Variants in CORIN observed in about 807,000 individuals in gnomAD.
CORIN encodes corin, serine peptidase.
In CORIN, 117 loss-of-function variants were observed where a neutral mutation model predicts 125.3. The ratio of observed to expected loss-of-function variants is 0.93; its 90% CI spans 0.80 to 1.09. The LOEUF is 1.09. Ranked by LOEUF, CORIN falls within the 50% of genes least tolerant of loss-of-function variation. The probability of loss-of-function intolerance (pLI) is 0.00; values close to 1 mark genes in which losing one functional copy is unlikely to be tolerated. For synonymous variants in CORIN, 450 were observed against 466.4 expected, an observed-to-expected ratio of 0.96 and a Z score of 0.45; for missense variants, 1,253 against 1,306.7, an observed-to-expected ratio of 0.96 and a Z score of 0.63.
chr4:47,835,129 G>T (rs1733322140), intron 1 of CORIN, among the ~76,000 whole-genome samples: 1 of 152,194 alleles, frequency 6.6e-6, no homozygotes, highest in Admixed American at 6.5e-5. Flanking sequence ...GTCTTTATGT[G>T]AGTGTGTAGA....
chr4:47,761,607 A>T (rs1729465660), intron 4 of CORIN, among the ~76,000 whole-genome samples: 1 of 152,214 alleles, frequency 6.6e-6, no homozygotes, highest in Non-Finnish European at 1.5e-5. Context: ...TAAGTGGCGT[A>T]AGTCAGGCAC....
At position 47,693,008 on chromosome 4, in the gene CORIN, T is replaced by C; in HGVS notation, c.875A>G (p.Tyr292Cys). The change falls in exon 6 of 22, where the codon TAC (tyrosine) becomes TGC (cysteine). Residue 292 changes from tyrosine (Y) to cysteine (C), a missense_variant. Tyr to Cys is a radical substitution (Grantham distance 194). Transcript: ENST00000273857. ...GTCACTCCAGTCGTCACAGTCGTTG[T>C]AGCCATTACATTGCAGTTTCCCGGG... ...CIPGKLQCNG[Y>C]NDCDDWSDEA... The C allele has an allele frequency of 6.2e-7, 1 of 1,613,996 alleles. No individual in the cohort carries two copies. Among genetic ancestry groups the C allele is most frequent in the Non-Finnish European group, 8.5e-7 (1 of 1,179,872 alleles).
intron 1 of CORIN, among the ~76,000 whole-genome samples, chr4:47,811,925 T>C (rs914668525): frequency 1.3e-5 from 2 of 152,178 alleles, no homozygotes; most frequent in African/African-American, 4.8e-5. Context: ...TCTGATACTT[T>C]ATAGAAAAAG....
chr4:47,642,799 A>G, intron 15 of CORIN: 1 of 1,420,256 alleles, frequency 7.0e-7, no homozygotes. Context: ...ATTCTATTCT[A>G]GCAGGTAGAG....
At chr4:47,763,668 G>T in intron 3 of CORIN, 82 bp from the exon 4 acceptor site, 1 of 1,268,712 alleles carries the variant, frequency 7.9e-7, no homozygotes, top group South Asian at 1.3e-5. Context: ...TTGTTTATAA[G>T]ATAAAGTATA....
chr4:47,627,799 A>AGAT (rs1181149515), intron 16 of CORIN, among the ~76,000 whole-genome samples: 4 of 152,210 alleles, frequency 2.6e-5, no homozygotes, highest in Non-Finnish European at 5.9e-5. Flanking sequence ...AGCCAAAAGA[A>AGAT]GATAAACTTT....
chr4:47,724,046 G>A (rs1294976906), intron 5 of CORIN, among the ~76,000 whole-genome samples: 1 of 149,218 alleles, frequency 6.7e-6, no homozygotes, highest in Non-Finnish European at 1.5e-5. Context: ...ACCCCTAAGT[G>A]AAAAGATAAT....
intron 16 of CORIN, among the ~76,000 whole-genome samples, chr4:47,631,794 A>G (rs565080443): frequency 6.6e-6 from 1 of 152,266 alleles, no homozygotes; most frequent in East Asian, 1.9e-4. Flanking sequence ...TAAATCATGG[A>G]GCCCAGGGCA....
intron 3 of CORIN, among the ~76,000 whole-genome samples, chr4:47,766,086 T>C (rs1729718255): frequency 6.6e-6 from 1 of 152,218 alleles, no homozygotes; most frequent in Non-Finnish European, 1.5e-5. Context: ...CAAAATCGAA[T>C]CTGGAGTAAG....
rs764585758 is a variant in CORIN, at chr4:47,603,616, G to GT, written c.2592_2593insA (p.His865ThrfsTer28). ...CGTGTCTGCATGAACACTGATGGAT[G>GT]GTCTAGATTGTTGATGCCAAGCACC... On this transcript the variant is annotated frameshift_variant, in exon 20 of 22. Transcript: ENST00000273857. LOFTEE classifies it high-confidence loss of function. 6.2e-7 allele frequency: 1 copy of GT among 1,614,004 alleles called. No individual in the cohort carries two copies. Among genetic ancestry groups the GT allele is most frequent in the African/African-American group, 1.3e-5 (1 of 74,916 alleles).
intron 19 of CORIN, among the ~76,000 whole-genome samples, chr4:47,613,932 C>T (rs1721970456): frequency 1.3e-5 from 2 of 149,964 alleles, no homozygotes; most frequent in South Asian, 4.2e-4. Context: ...ACAATGTGCA[C>T]ATGTACCCTA....
intron 21 of CORIN, 111 bp from the exon 22 acceptor site, chr4:47,596,014 G>T: frequency 1.3e-6 from 1 of 791,748 alleles, no homozygotes; most frequent in Non-Finnish European, 1.9e-6. Flanking sequence ...AACTTGGAAA[G>T]TTTCAACAAA....
intron 5 of CORIN, among the ~76,000 whole-genome samples, chr4:47,707,820 G>A (rs1158712359): frequency 1.3e-5 from 2 of 152,188 alleles, no homozygotes; most frequent in African/African-American, 4.8e-5. Context: ...CTAAAGAAGA[G>A]GGGAGTAGTA....
chr4:47,677,125 A>G (rs1466198268), intron 9 of CORIN, among the ~76,000 whole-genome samples: 2 of 152,232 alleles, frequency 1.3e-5, no homozygotes, highest in Non-Finnish European at 1.5e-5. Context: ...GCCATGTAAT[A>G]AAAGCTCACA....
intron 2 of CORIN, 64 bp from the exon 3 acceptor site, chr4:47,786,989 T>TA: frequency 1.8e-6 from 2 of 1,113,184 alleles, no homozygotes; most frequent in South Asian, 1.6e-5. Context: ...GTGTTTATTT[T>TA]AAAAAACATT....
rs1238958204 is a variant in CORIN, at chr4:47,643,169, T to C, written c.2045A>G (p.Asp682Gly). 2 of 1,614,100 alleles carry C rather than the reference T, an allele frequency of 1.2e-6. No homozygotes were observed. Among genetic ancestry groups the C allele is most frequent in the East Asian group, 4.5e-5 (2 of 44,866 alleles). The change falls in exon 15 of 22, where the codon GAC becomes GGC. Residue 682 changes from aspartate to glycine, a missense_variant. Transcript: ENST00000273857. ...ACCACAGTCCCATTCATCTGAACTG[T>C]CTGAGCAGTCGGCTTCACCATCACA... ...LWCDGEADCS[D>G]SSDEWDCVTL...
At chr4:47,804,449 G>A (rs1731676165) in intron 2 of CORIN, among the ~76,000 whole-genome samples, 1 of 152,070 alleles carries the variant, frequency 6.6e-6, no homozygotes, top group South Asian at 2.1e-4. Context: ...ATATTTGGAA[G>A]CAACCTAAAT....
intron 3 of CORIN, among the ~76,000 whole-genome samples, chr4:47,766,594 T>C (rs578126046): frequency 2.0e-5 from 3 of 152,166 alleles, no homozygotes; most frequent in South Asian, 2.1e-4. Context: ...ATACTGGTGT[T>C]CAACCAGAAA....
chr4:47,815,413 G>A (rs954579255), intron 1 of CORIN, among the ~76,000 whole-genome samples: 7 of 152,094 alleles, frequency 4.6e-5, no homozygotes, highest in Non-Finnish European at 1.0e-4. Context: ...GGCAACAGGA[G>A]AATAGTTTAG....
Sources: allele counts gnomAD v4.1 joint callset (sites outside exome capture counted in the v4.1 genomes callset), GRCh38; gene constraint gnomAD v4.1.1; transcripts MANE v1.5; gene names NCBI Gene and HGNC (gene_info 2026-07-23, HGNC 2026-07-21).